The following UBR3 variants were observed in gnomAD, a reference collection of about 807,000 sequenced individuals.
UBR3 encodes the protein ubiquitin protein ligase E3 component n-recognin 3.
A neutral mutation model predicts 243.2 loss-of-function variants in UBR3; 85 were observed. The ratio of observed to expected loss-of-function variants is 0.35; its 90% CI spans 0.29 to 0.42. UBR3 has a LOEUF of 0.42. UBR3 is among the 10% of genes least tolerant of loss of function. The pLI is 1.00. For missense variants in UBR3, 1,686 were observed against 2,300.8 expected (o/e 0.73, Z 5.47); for synonymous variants, 748 against 799.8 (o/e 0.94, Z 1.09).
chr2:169,898,818 C>T (rs2084696514), intron 8 of UBR3, among the ~76,000 whole-genome samples: 1 of 151,842 alleles, frequency 6.6e-6, no homozygotes, highest in South Asian at 2.1e-4. Context: ...TCTCCTGCCT[C>T]AGCCTCCCGA....
At chr2:169,864,958 T>C (rs2083207608) in intron 1 of UBR3, among the ~76,000 whole-genome samples, 1 of 149,090 alleles carries the variant, frequency 6.7e-6, no homozygotes, top group African/African-American at 2.5e-5. Context: ...TCATGGCACA[T>C]GCCTGTAATC....
chr2:169,909,606 A>G (rs566381377), intron 10 of UBR3, among the ~76,000 whole-genome samples: 21 of 152,280 alleles, frequency 1.4e-4, no homozygotes, highest in African/African-American at 4.8e-4. Context: ...ATAGTTAATA[A>G]TAATGTATTT....
At chr2:169,939,851 C>T (rs1442436732) in intron 19 of UBR3, among the ~76,000 whole-genome samples, 6 of 152,170 alleles carry the variant, frequency 3.9e-5, no homozygotes, top group African/African-American at 1.4e-4. Context: ...AGGTGTGAGC[C>T]ACTATGCCAG....
chr2:169,853,782 T>G (rs2082743872), intron 1 of UBR3, among the ~76,000 whole-genome samples: 1 of 152,208 alleles, frequency 6.6e-6, no homozygotes, highest in African/African-American at 2.4e-5. Context: ...CTTCGTTTTT[T>G]TTTTGTTTTG....
At chr2:169,877,363 C>A in intron 3 of UBR3, 131 bp from the exon 4 acceptor site, 1 of 766,698 alleles carries the variant, frequency 1.3e-6, no homozygotes, top group Non-Finnish European at 2.0e-6. Context: ...TTGAAGCTAT[C>A]TTATATTATT....
chr2:169,958,995 G>T (rs16857337), intron 24 of UBR3, among the ~76,000 whole-genome samples: 4 of 152,112 alleles, frequency 2.6e-5, no homozygotes, highest in Non-Finnish European at 4.4e-5. Context: ...CCATGTTTCT[G>T]TATGATAGTA....
chr2:169,847,056 A>C (rs2082504355), intron 1 of UBR3, among the ~76,000 whole-genome samples: 2 of 144,970 alleles, frequency 1.4e-5, no homozygotes, highest in South Asian at 2.2e-4. Context: ...TTTTCTTTTA[A>C]ACTGTTGGTG....
intron 32 of UBR3, among the ~76,000 whole-genome samples, chr2:170,045,847 G>T (rs1248039803): frequency 6.6e-6 from 1 of 151,774 alleles, no homozygotes; most frequent in Non-Finnish European, 1.5e-5. Flanking sequence ...ATCTCTAAAA[G>T]ATAAGGATTC....
At chr2:170,056,436 G>A (rs1199563659) in intron 33 of UBR3, among the ~76,000 whole-genome samples, 1 of 152,148 alleles carries the variant, frequency 6.6e-6, no homozygotes, top group Admixed American at 6.5e-5. Context: ...GAAAAATTAT[G>A]CTAAATGTAA....
chr2:169,915,053 A>T (rs1473466545), intron 11 of UBR3, among the ~76,000 whole-genome samples: 1 of 152,188 alleles, frequency 6.6e-6, no homozygotes, highest in African/African-American at 2.4e-5. Flanking sequence ...TATAGCCAGA[A>T]TGCAACTATA....
At position 169,950,083 on chromosome 2, in the gene UBR3, T is replaced by A. The variant is rs751130381; in HGVS notation, c.3545+18T>A. The A allele has an allele frequency of 1.3e-6, 2 of 1,528,982 alleles. No individual in the cohort carries two copies. The highest frequency in any genetic ancestry group is 8.8e-7 in the Non-Finnish European group (1 of 1,142,596). 94.7% of individuals were successfully genotyped at this position (1,528,982 alleles called of 1,614,324 possible). A position where few individuals can be genotyped will look rare whatever the true frequency, so the allele number is the denominator to read the frequency against. On this transcript the variant is annotated intron_variant, in intron 23 of 38. Transcript: ENST00000272793. ...GAAGAAAGGTAATTTTTATTTTTAA[T>A]GTTTTAAACGTGTGTATAGTTGAAA...
At position 169,941,307 on chromosome 2, in the gene UBR3, A is replaced by G. The variant is rs115412217; in HGVS notation, c.2664-1186A>G. On this transcript the variant is annotated intron_variant, in intron 19 of 38. Transcript: ENST00000272793. Reference sequence around the variant, plus strand: ...GGGATGGTATCCAAACCCTATATATACTATGTTTTTCTCCTACAATACATA... The same window carrying G: ...GGGATGGTATCCAAACCCTATATATGCTATGTTTTTCTCCTACAATACATA... 7.9e-3 allele frequency among the ~76,000 whole-genome samples: 1,201 copies of G among 152,316 alleles called. 13 individuals are homozygous for G. The highest frequency in any genetic ancestry group is 0.026 in the African/African-American group (1,074 of 41,556).
chr2:170,025,818 G>A (rs2090513993), intron 30 of UBR3, among the ~76,000 whole-genome samples: 1 of 152,192 alleles, frequency 6.6e-6, no homozygotes, highest in Admixed American at 6.6e-5. Flanking sequence ...TGCATGGGTA[G>A]TGGTGTCATT....
At chr2:170,016,953 A>G (rs1230717549) in intron 30 of UBR3, 3 of 551,934 alleles carry the variant, frequency 5.4e-6, no homozygotes, top group East Asian at 2.5e-4. Context: ...TGTATAATTT[A>G]TTATTGTTCA....
chr2:169,990,753 A>C (rs2089241144), intron 25 of UBR3, among the ~76,000 whole-genome samples: 1 of 149,568 alleles, frequency 6.7e-6, no homozygotes. Flanking sequence ...ACACACATAA[A>C]AGAAAAGAGA....
Position 170,076,335 on chromosome 2 carries a change from T to A in UBR3, c.5199+2728T>A, listed in dbSNP as rs1178760231. Among the ~76,000 whole-genome samples the A allele has an allele frequency of 2.6e-5, 4 of 152,250 alleles. No individual in the cohort carries two copies. In the East Asian group the frequency reaches 7.7e-4, roughly 29 times the overall value. ...TTTCACATCTTACCTGCCTGGCTCATACACACCCTTCTTCTCATTCACAGT... is the reference window on the plus strand; with the variant it reads ...TTTCACATCTTACCTGCCTGGCTCAAACACACCCTTCTTCTCATTCACAGT... On this transcript the variant is annotated intron_variant, in intron 36 of 38. Coordinates refer to ENST00000272793, the MANE Select transcript of UBR3 (RefSeq NM_172070.4).
chr2:169,875,153 A>AT (rs1012210298), intron 2 of UBR3, among the ~76,000 whole-genome samples: 16 of 152,076 alleles, frequency 1.1e-4, no homozygotes, highest in African/African-American at 3.6e-4. Flanking sequence ...GTTATTTGTT[A>AT]TACAGGTTTA....
At chr2:170,032,703 AAATGCCACAGACT>A in intron 31 of UBR3, among the ~76,000 whole-genome samples, 1 of 149,800 alleles carries the variant, frequency 6.7e-6, no homozygotes, top group Middle Eastern at 3.5e-3. Flanking sequence ...CTTTTGGCAG[AAATGCCACAGACT>A]AATGTGTTCC....
intron 1 of UBR3, among the ~76,000 whole-genome samples, chr2:169,857,311 A>G (rs558841229): frequency 6.6e-6 from 1 of 152,106 alleles, no homozygotes; most frequent in South Asian, 2.1e-4. Flanking sequence ...CTGACCCTTC[A>G]GATGATTCGC....
Sources: gnomAD v4.1 joint callset for allele counts (sites outside exome capture counted in the v4.1 genomes callset) on GRCh38, gnomAD v4.1.1 for gene constraint, MANE v1.5 for transcripts, NCBI Gene and HGNC (gene_info 2026-07-23, HGNC 2026-07-21) for gene names.